The following AKAP1 variants were observed in gnomAD, a reference collection of about 807,000 sequenced individuals.
The protein encoded by AKAP1 is A-kinase anchor protein 1, mitochondrial.
A neutral mutation model predicts 79.8 loss-of-function variants in AKAP1; 32 were observed. The observed-to-expected ratio is 0.40, with a 90% CI of 0.30 to 0.54. The LOEUF (loss-of-function observed/expected upper bound fraction) is 0.54. Among genes scored for constraint, AKAP1 ranks in the 20% least tolerant of loss-of-function variants. The pLI is 0.47. For synonymous variants in AKAP1, 416 were observed against 466.7 expected (o/e 0.89, Z 1.40); for missense variants, 961 against 1,138.9 (o/e 0.84, Z 2.25).
chr17:57,118,044 C>A (rs1357310141), intron 8 of AKAP1, among the ~76,000 whole-genome samples: 1 of 152,072 alleles, frequency 6.6e-6, no homozygotes, highest in African/African-American at 2.4e-5. Context: ...TGTGGAAGAA[C>A]ACATATGCTC....
rs781781156 is a variant in AKAP1 at position 57,106,635 on chromosome 17, C to A, written c.1171C>A (p.Pro391Thr). ...LQGQKEESCV[P>T]VHQKTVLGPD... ...AGGGCAGAAGGAAGAGAGCTGTGTC[C>A]CAGTTCACCAGAAAACTGTCTTGGG... Residue 391 changes from proline (P) to threonine (T), a missense_variant, in exon 2 of 11, where the codon CCA becomes ACA. This residue lies in a region of AKAP1 where 629 missense variants were observed against 781.1 expected (regional missense o/e 0.81). Coordinates refer to ENST00000337714, the MANE Select transcript of AKAP1 (RefSeq NM_003488.4). The A allele has an allele frequency of 1.2e-6, 2 of 1,614,128 alleles. No individual in the cohort carries two copies. Among genetic ancestry groups the A allele is most frequent in the Non-Finnish European group, 1.7e-6 (2 of 1,180,024 alleles).
chr17:57,091,056 T>C (rs930238476), intron 1 of AKAP1, among the ~76,000 whole-genome samples: 2 of 152,162 alleles, frequency 1.3e-5, no homozygotes, highest in African/African-American at 4.8e-5. Flanking sequence ...CTTTGTGAGG[T>C]TGGGTCGATG....
At position 57,105,651 on chromosome 17, in the gene AKAP1, G is replaced by T. The variant is rs753083508; in HGVS notation, c.187G>T (p.Val63Phe). The T allele has an allele frequency of 8.7e-6, 14 of 1,614,134 alleles. No individual in the cohort carries two copies. In the East Asian group the frequency reaches 3.1e-4, roughly 36 times the overall value. Residue 63 changes from valine (V) to phenylalanine (F), a missense_variant, in exon 2 of 11, where the codon GTC becomes TTC. Val to Phe is a conservative substitution (Grantham distance 50). Transcript: ENST00000337714. ...AIKEPLPVED[V>F]CPKVVSTPPS... is the part of the protein sequence containing the mutation. ...CAAGGAACCTCTCCCCGTGGAAGAC[G>T]TCTGTCCCAAAGTAGTGTCCACACC...
At chr17:57,119,219 T>TA (rs2144794823) in intron 10 of AKAP1, among the ~76,000 whole-genome samples, 175 bp downstream of exon 10, 1 of 152,286 alleles carries the variant, frequency 6.6e-6, no homozygotes, top group East Asian at 1.9e-4. Flanking sequence ...CAGTGTCCTC[T>TA]AGTGGGTAGA....
At chr17:57,095,345 T>G (rs1414066460) in intron 1 of AKAP1, 1 of 152,096 alleles carries the variant, frequency 6.6e-6, no homozygotes, top group Non-Finnish European at 1.5e-5. Flanking sequence ...AAAAATTTTT[T>G]TTTTGTAGAT....
chr17:57,109,396 G>A (rs574467572), intron 2 of AKAP1, among the ~76,000 whole-genome samples: 1 of 152,356 alleles, frequency 6.6e-6, no homozygotes, highest in Non-Finnish European at 1.5e-5. Context: ...GTTCAGAGTT[G>A]CATGAATCAG....
At chr17:57,108,009 G>A (rs753944545) in intron 2 of AKAP1, 38 of 1,285,970 alleles carry the variant, frequency 3.0e-5, no homozygotes, top group Admixed American at 1.2e-4. Flanking sequence ...TTTTTCGAGT[G>A]CTGACCCCAG....
intron 1 of AKAP1, chr17:57,094,523 G>T (rs1486937769): frequency 2.0e-5 from 3 of 152,036 alleles, no homozygotes; most frequent in Admixed American, 2.0e-4. Context: ...CCAGCAGAAG[G>T]TCTGGCTTCA....
Position 57,106,035 on chromosome 17 carries a change from A to C in AKAP1, c.571A>C (p.Ser191Arg). 1 of 1,613,110 alleles carries C rather than the reference A, an allele frequency of 6.2e-7. No homozygotes were observed. Among genetic ancestry groups the C allele is most frequent in the Non-Finnish European group, 8.5e-7 (1 of 1,179,646 alleles). The change falls in exon 2 of 11, where the codon AGC (serine) becomes CGC (arginine). Residue 191 changes from serine (S) to arginine (R), a missense_variant. By Grantham distance (110) the Ser-to-Arg change is moderately radical (BLOSUM62 -1). Transcript: ENST00000337714. ...CCCCGTAGTCCCCGCAGAGAAGCGT[A>C]GCTCTGGGGAGAGGGCAAGAGAGAC... ...GYPVVPAEKR[S>R]SGERARETGG...
intron 2 of AKAP1, chr17:57,107,987 AG>A: frequency 7.8e-7 from 1 of 1,289,132 alleles, no homozygotes; most frequent in Non-Finnish European, 1.0e-6. Flanking sequence ...TTTGATAACG[AG>A]GTGTCCTGGG....
chr17:57,112,870 C>G (rs1039896947), intron 5 of AKAP1, among the ~76,000 whole-genome samples: 10 of 134 alleles, frequency 0.075, no homozygotes, highest in East Asian at 0.4. Flanking sequence ...TCCTGGCTCT[C>G]CCCCTGGGCA....
chr17:57,095,678 G>A (rs999133550), intron 1 of AKAP1: 3 of 152,104 alleles, frequency 2.0e-5, no homozygotes, highest in African/African-American at 7.2e-5. Flanking sequence ...GAAGATCAGG[G>A]TCTTACCTCT....
chr17:57,099,295 C>G (rs972390905), intron 1 of AKAP1, among the ~76,000 whole-genome samples: 1 of 152,178 alleles, frequency 6.6e-6, no homozygotes, highest in African/African-American at 2.4e-5. Context: ...TCTCTGTTCT[C>G]AAGTGCTGGT....
In AKAP1 at chr17:57,119,621, A is replaced by T. The variant is rs900049453; in HGVS notation, c.2637+577A>T. 4.3e-4 allele frequency among the ~76,000 whole-genome samples: 65 copies of T among 151,964 alleles called. 1 individual carries two copies. Among genetic ancestry groups the T allele is most frequent in the African/African-American group, 1.5e-3 (64 of 41,382 alleles). Reference sequence around the variant, plus strand: ...TCCCAGCTGCTTGGGAGGCTGAGGCAGGAGAATCACTTGAACCTGGGAGAC... The same window carrying T: ...TCCCAGCTGCTTGGGAGGCTGAGGCTGGAGAATCACTTGAACCTGGGAGAC... On this transcript the variant is annotated intron_variant, in intron 10 of 10. Transcript: ENST00000337714.
intron 1 of AKAP1, chr17:57,096,845 C>G (rs1442809013): frequency 1.3e-5 from 2 of 152,246 alleles, no homozygotes; most frequent in Non-Finnish European, 1.5e-5. Flanking sequence ...GCTGCATTGT[C>G]CAGTAGGTAG....
intron 3 of AKAP1, among the ~76,000 whole-genome samples, chr17:57,110,673 C>T (rs926289423): frequency 4.6e-5 from 7 of 152,164 alleles, no homozygotes; most frequent in African/African-American, 1.7e-4. Flanking sequence ...TCATCTTGCA[C>T]CCTGTGGTTT....
Position 57,120,542 on chromosome 17 carries a change from A to G in AKAP1, c.*218A>G. ...GCCAAAGGATAGTGTTTAACAAGCCAGCTGGCTTATGCTGGTTCTCAGCTG... is the reference window on the plus strand; with the variant it reads ...GCCAAAGGATAGTGTTTAACAAGCCGGCTGGCTTATGCTGGTTCTCAGCTG... On this transcript the variant is annotated 3_prime_UTR_variant, in exon 11 of 11. Transcript: ENST00000337714. 1 of 411,596 alleles carries G rather than the reference A, an allele frequency of 2.4e-6. No individual in the cohort carries two copies. The highest frequency in any genetic ancestry group is 4.3e-6 in the Non-Finnish European group (1 of 232,038). The allele number at this position is 411,596 out of a possible 1,614,324, so 25.5% of individuals were successfully genotyped here.
At chr17:57,087,002 T>C (rs1023716858) in intron 1 of AKAP1, among the ~76,000 whole-genome samples, 1 of 152,224 alleles carries the variant, frequency 6.6e-6, no homozygotes, top group Non-Finnish European at 1.5e-5. Context: ...AGTGAAGTTA[T>C]GTTTTGGGAA....
chr17:57,107,283 T>C, intron 2 of AKAP1, 105 bp downstream of exon 2: 4 of 1,473,478 alleles, frequency 2.7e-6, no homozygotes, highest in Middle Eastern at 2.1e-4. Context: ...AGCAAAGTCA[T>C]AGTGCTCTTC....
Sources: allele counts gnomAD v4.1 joint callset (sites outside exome capture counted in the v4.1 genomes callset), GRCh38; gene constraint gnomAD v4.1.1; regional missense constraint gnomAD v4.1.1; transcripts MANE v1.5; gene names NCBI Gene and HGNC (gene_info 2026-07-23, HGNC 2026-07-21).